The following ROBO2 variants were observed in gnomAD, a reference collection of about 807,000 sequenced individuals.
ROBO2 encodes roundabout homolog 2.
ROBO2 carries 53 observed loss-of-function variants against 160.8 expected under a neutral mutation model. That is an observed-to-expected ratio of 0.33 (90% CI 0.26 to 0.41). ROBO2 has a LOEUF of 0.41. Ranked by LOEUF, ROBO2 falls within the 10% of genes least tolerant of loss-of-function variation. The pLI is 1.00. For synonymous variants in ROBO2, 664 were observed against 611.7 expected (o/e 1.09, Z -1.26); for missense variants, 1,577 against 1,722.4 (o/e 0.92, Z 1.49).
chr3:77,336,382 T>G (rs1044710288), intron 2 of ROBO2, among the ~76,000 whole-genome samples: 1 of 152,088 alleles, frequency 6.6e-6, no homozygotes, highest in Non-Finnish European at 1.5e-5. Flanking sequence ...TCTACTAGCC[T>G]TCTTTGTACC....
At chr3:76,152,275 T>A (rs954037759) in intron 2 of ROBO2, among the ~76,000 whole-genome samples, 1 of 152,172 alleles carries the variant, frequency 6.6e-6, no homozygotes, top group Non-Finnish European at 1.5e-5. Context: ...ACTTGTGGGT[T>A]ATAAGTTAAT....
intron 2 of ROBO2, among the ~76,000 whole-genome samples, chr3:76,114,077 T>G (rs2070358938): frequency 6.6e-6 from 1 of 152,156 alleles, no homozygotes; most frequent in African/African-American, 2.4e-5. Context: ...AAAGCTCCTT[T>G]CCTTTTAAAT....
chr3:76,175,317 T>G (rs1415849394), intron 2 of ROBO2, among the ~76,000 whole-genome samples: 4 of 151,958 alleles, frequency 2.6e-5, no homozygotes, highest in Non-Finnish European at 5.9e-5. Context: ...ACAGATGACA[T>G]GATTGCAATT....
chr3:77,235,574 T>C (rs950918045), intron 2 of ROBO2, among the ~76,000 whole-genome samples: 2 of 152,172 alleles, frequency 1.3e-5, no homozygotes, highest in Non-Finnish European at 1.5e-5. Flanking sequence ...TGTGATATCA[T>C]ATATCAGCAA....
At chr3:77,141,790 A>G (rs1255255315) in intron 2 of ROBO2, among the ~76,000 whole-genome samples, 2 of 152,188 alleles carry the variant, frequency 1.3e-5, no homozygotes, top group African/African-American at 2.4e-5. Flanking sequence ...GATAAATTAG[A>G]GGCAAACCAA....
intron 2 of ROBO2, among the ~76,000 whole-genome samples, chr3:76,008,888 CTA>C (rs958496106): frequency 5.3e-5 from 8 of 152,076 alleles, no homozygotes; most frequent in African/African-American, 1.9e-4. Flanking sequence ...ACGGGGAAAT[CTA>C]TGTATATTTA....
chr3:77,165,684 C>A (rs2079014028), intron 2 of ROBO2, among the ~76,000 whole-genome samples: 1 of 151,958 alleles, frequency 6.6e-6, no homozygotes, highest in African/African-American at 2.4e-5. Context: ...AGAAAAGTAA[C>A]AAGAAGGCTT....
intron 2 of ROBO2, among the ~76,000 whole-genome samples, chr3:77,013,604 T>G (rs150233077): frequency 4.7e-4 from 71 of 152,264 alleles, no homozygotes; most frequent in African/African-American, 1.6e-3. Context: ...TCATTGTTGC[T>G]TCCTCCATTG....
At chr3:76,226,699 CT>C (rs1704309261) in intron 2 of ROBO2, among the ~76,000 whole-genome samples, 1 of 152,058 alleles carries the variant, frequency 6.6e-6, no homozygotes, top group African/African-American at 2.4e-5. Context: ...TTCTCCTTTA[CT>C]TTTTCTTATT....
intron 24 of ROBO2, among the ~76,000 whole-genome samples, chr3:77,637,609 G>A (rs140882760): frequency 3.9e-5 from 6 of 152,116 alleles, no homozygotes; most frequent in East Asian, 1.9e-4. Flanking sequence ...CTAATTCTTC[G>A]TAAATAAAAA....
rs180887819 is a variant in ROBO2 at position 77,585,995 on chromosome 3, C to A, written c.2501-2756C>A. On this transcript the variant is annotated intron_variant, in intron 16 of 25. Transcript: ENST00000461745. ...AATTTTAGATTTGTACTATGCCAGA[C>A]CATGTATTGTTTCATCTATTCCTTC... Among the ~76,000 whole-genome samples the A allele has an allele frequency of 1.5e-3, 229 of 152,162 alleles. 1 individual carries two copies. The highest frequency in any genetic ancestry group is 0.015 in the Admixed American group (222 of 15,266).
chr3:76,660,332 A>T (rs2091762869), intron 2 of ROBO2, among the ~76,000 whole-genome samples: 1 of 152,178 alleles, frequency 6.6e-6, no homozygotes, highest in Admixed American at 6.5e-5. Flanking sequence ...TGGAGCGGTG[A>T]CCCAGTCGAA....
chr3:76,242,448 C>T (rs1439736338), intron 2 of ROBO2, among the ~76,000 whole-genome samples: 1 of 152,190 alleles, frequency 6.6e-6, no homozygotes, highest in East Asian at 1.9e-4. Flanking sequence ...GACTTCAGAG[C>T]TTCCTGGTAG....
At chr3:77,166,286 A>G (rs761082797) in intron 2 of ROBO2, among the ~76,000 whole-genome samples, 6 of 152,130 alleles carry the variant, frequency 3.9e-5, no homozygotes, top group Admixed American at 3.3e-4. Context: ...AAAAAAGAAA[A>G]AAGAAAGAAA....
intron 2 of ROBO2, among the ~76,000 whole-genome samples, chr3:76,091,759 A>C (rs959646027): frequency 5.3e-5 from 8 of 152,202 alleles, no homozygotes; most frequent in African/African-American, 1.7e-4. Context: ...GAAAAGAAAT[A>C]AACTATCAAG....
intron 2 of ROBO2, among the ~76,000 whole-genome samples, chr3:75,988,014 T>G (rs2065461076): frequency 6.6e-6 from 1 of 152,038 alleles, no homozygotes; most frequent in Non-Finnish European, 1.5e-5. Context: ...TGCAATGTCT[T>G]TGTCTGGTTT....
At chr3:77,578,433 T>C (rs1302146528) in intron 15 of ROBO2, among the ~76,000 whole-genome samples, 1 of 152,094 alleles carries the variant, frequency 6.6e-6, no homozygotes, top group Non-Finnish European at 1.5e-5. Flanking sequence ...TCTATACATC[T>C]AATATAATAC....
At chr3:76,600,050 A>T (rs2108929645) in intron 2 of ROBO2, among the ~76,000 whole-genome samples, 1 of 152,272 alleles carries the variant, frequency 6.6e-6, no homozygotes, top group Non-Finnish European at 1.5e-5. Context: ...TCATTTAATT[A>T]GATCTGATTT....
intron 2 of ROBO2, among the ~76,000 whole-genome samples, chr3:76,372,950 G>T (rs1427336778): frequency 1.3e-5 from 2 of 151,860 alleles, no homozygotes; most frequent in African/African-American, 4.8e-5. Context: ...GATTTTCCTT[G>T]GACATTATTG....
Sources: gnomAD v4.1 joint callset for allele counts (sites outside exome capture counted in the v4.1 genomes callset) on GRCh38, gnomAD v4.1.1 for gene constraint, MANE v1.5 for transcripts, NCBI Gene and HGNC (gene_info 2026-07-23, HGNC 2026-07-21) for gene names.